The following GAB2 variants were observed in gnomAD, a reference collection of about 807,000 sequenced individuals.
GAB2 encodes the protein GRB2 associated binding protein 2.
In GAB2, 26 loss-of-function variants were observed where a neutral mutation model predicts 65.5. The observed-to-expected ratio is 0.40, with a 90% CI of 0.29 to 0.55. The LOEUF (loss-of-function observed/expected upper bound fraction) is 0.55. Among genes scored for constraint, GAB2 ranks in the 20% least tolerant of loss-of-function variants. GAB2 has a pLI of 0.53. For missense variants in GAB2, 884 were observed against 875.8 expected, an observed-to-expected ratio of 1.01 and a Z score of -0.12; for synonymous variants, 321 against 329.6, an observed-to-expected ratio of 0.97 and a Z score of 0.28.
intron 1 of GAB2, among the ~76,000 whole-genome samples, chr11:78,294,167 T>C (rs1866759742): frequency 6.6e-6 from 1 of 152,076 alleles, no homozygotes; most frequent in Non-Finnish European, 1.5e-5. Context: ...GAACATGCGG[T>C]GTTTGGTTTT....
In GAB2 at chr11:78,219,420, G is replaced by A. The variant is rs1475345867; in HGVS notation, c.1888-5C>T. 1 of 1,613,792 alleles carries A rather than the reference G, an allele frequency of 6.2e-7. No individual in the cohort carries two copies. ...GGTGACGGATGAAGTAGATGGCTGA[G>A]GGGACAGAGTGGGAAAGAGGGAGTA... On this transcript the variant is annotated splice_region_variant and splice_polypyrimidine_tract_variant and intron_variant, in intron 9 of 9. Transcript: ENST00000361507.
chr11:78,287,442 T>C (rs11237438), intron 1 of GAB2, among the ~76,000 whole-genome samples: 30,610 of 151,952 alleles, frequency 0.2, 3,332 homozygotes, highest in East Asian at 0.4. Context: ...TATGCCTGGC[T>C]AATTTCTAAA....
At chr11:78,371,187 T>A (rs1381689523) in intron 1 of GAB2, among the ~76,000 whole-genome samples, 1 of 152,204 alleles carries the variant, frequency 6.6e-6, no homozygotes, top group Non-Finnish European at 1.5e-5. Flanking sequence ...ACACAACGCA[T>A]ACCCTTGTAT....
intron 1 of GAB2, among the ~76,000 whole-genome samples, chr11:78,411,840 G>T (rs1245966011): frequency 6.6e-6 from 1 of 152,014 alleles, no homozygotes; most frequent in Non-Finnish European, 1.5e-5. Flanking sequence ...GACCATCCTG[G>T]CCAACATGGT....
chr11:78,295,186 A>G (rs1435061597), intron 1 of GAB2, among the ~76,000 whole-genome samples: 9 of 152,230 alleles, frequency 5.9e-5, no homozygotes, highest in African/African-American at 2.2e-4. Flanking sequence ...CCACCATGAG[A>G]TACCATCTCA....
In GAB2 at chr11:78,331,623, G is replaced by A. The variant is rs146324511; in HGVS notation, c.76-50722C>T. On this transcript the variant is annotated intron_variant, in intron 1 of 9. Coordinates refer to ENST00000361507, the MANE Select transcript of GAB2 (RefSeq NM_080491.3). ...GATATAATGTGTTTAAACACATTGTGCAAACATGAGGAGTTGCTATCCTTA... is the reference window on the plus strand; with the variant it reads ...GATATAATGTGTTTAAACACATTGTACAAACATGAGGAGTTGCTATCCTTA... Among the ~76,000 whole-genome samples the A allele has an allele frequency of 8.3e-4, 126 of 152,272 alleles. 1 individual carries two copies. The East Asian group carries it at 0.011, about 14-fold the overall frequency.
chr11:78,248,439 G>T (rs1239566644), intron 3 of GAB2, among the ~76,000 whole-genome samples: 1 of 152,164 alleles, frequency 6.6e-6, no homozygotes, highest in African/African-American at 2.4e-5. Context: ...CCTAGGCCAG[G>T]CTTACTGAGT....
chr11:78,384,085 T>C (rs1441776103), intron 1 of GAB2, among the ~76,000 whole-genome samples: 2 of 152,188 alleles, frequency 1.3e-5, no homozygotes, highest in Admixed American at 6.5e-5. Context: ...GATCTATTCA[T>C]TGATTTTGTA....
intron 2 of GAB2, among the ~76,000 whole-genome samples, chr11:78,266,110 G>A (rs1490764509): frequency 6.6e-6 from 1 of 150,460 alleles, no homozygotes; most frequent in Non-Finnish European, 1.5e-5. Flanking sequence ...AGCTACTTGA[G>A]AGGCTGAGGT....
chr11:78,239,470 C>T (rs531668854), intron 3 of GAB2, among the ~76,000 whole-genome samples: 20 of 152,240 alleles, frequency 1.3e-4, no homozygotes, highest in East Asian at 5.8e-4. Context: ...CCACCTGCCT[C>T]GGCCTCCCAA....
intron 6 of GAB2, 46 bp downstream of exon 6, chr11:78,223,366 C>A (rs1864519320): frequency 7.0e-7 from 1 of 1,438,382 alleles, no homozygotes; most frequent in South Asian, 1.5e-5. Context: ...TGGAAAGAGT[C>A]CCTAGCCACT....
chr11:78,343,346 T>A (rs2134694097), intron 1 of GAB2, among the ~76,000 whole-genome samples: 1 of 122,304 alleles, frequency 8.2e-6, no homozygotes, highest in South Asian at 2.6e-4. Context: ...GGCAATGTAG[T>A]ACAAGAAGGA....
At chr11:78,240,354 G>A (rs866465015) in intron 3 of GAB2, among the ~76,000 whole-genome samples, 1 of 151,730 alleles carries the variant, frequency 6.6e-6, no homozygotes, top group African/African-American at 2.4e-5. Context: ...CTGAGAGGGG[G>A]TGCATTCCAA....
intron 1 of GAB2, among the ~76,000 whole-genome samples, chr11:78,321,941 A>G (rs1224786570): frequency 6.6e-6 from 1 of 152,106 alleles, no homozygotes; most frequent in African/African-American, 2.4e-5. Flanking sequence ...AAACATATGC[A>G]GAAGAATCAA....
intron 1 of GAB2, among the ~76,000 whole-genome samples, chr11:78,291,734 T>G (rs961200203): frequency 7.5e-6 from 1 of 134,168 alleles, no homozygotes; most frequent in Non-Finnish European, 1.5e-5. Context: ...TCATACCCAG[T>G]TAATTTTTTT....
chr11:78,274,203 G>T (rs184891147), intron 2 of GAB2, among the ~76,000 whole-genome samples: 4 of 152,234 alleles, frequency 2.6e-5, no homozygotes, highest in Admixed American at 6.5e-5. Context: ...GAAACTGGGA[G>T]GCCATGATTG....
At chr11:78,360,179 G>GT (rs1565172906) in intron 1 of GAB2, among the ~76,000 whole-genome samples, 3 of 152,140 alleles carry the variant, frequency 2.0e-5, no homozygotes, top group African/African-American at 7.2e-5. Context: ...ACACAGCGCT[G>GT]TAACACCTGG....
At chr11:78,415,201 G>A (rs1179989337) in intron 1 of GAB2, among the ~76,000 whole-genome samples, 6 of 152,142 alleles carry the variant, frequency 3.9e-5, no homozygotes, top group African/African-American at 1.2e-4. Context: ...TTAAAAAATC[G>A]TTTTAAATAG....
chr11:78,340,815 C>G (rs114920780), intron 1 of GAB2, among the ~76,000 whole-genome samples: 105 of 152,278 alleles, frequency 6.9e-4, no homozygotes, highest in African/African-American at 2.5e-3. Context: ...TCTCTCAAAG[C>G]CTTTAACCAG....
Sources: gnomAD v4.1 joint callset for allele counts (sites outside exome capture counted in the v4.1 genomes callset) on GRCh38, gnomAD v4.1.1 for gene constraint, MANE v1.5 for transcripts, NCBI Gene and HGNC (gene_info 2026-07-23, HGNC 2026-07-21) for gene names.